Variants in NTRK2 observed in about 807,000 individuals in gnomAD.
NTRK2 encodes the protein BDNF/NT-3 growth factors receptor.
In NTRK2, 13 loss-of-function variants were observed where a neutral mutation model predicts 94.5. The ratio of observed to expected loss-of-function variants is 0.14; its 90% CI spans 0.09 to 0.22. The LOEUF is 0.22. Among genes scored for constraint, NTRK2 ranks in the 10% least tolerant of loss-of-function variants. The pLI is 1.00. For synonymous variants in NTRK2, 372 were observed against 407.4 expected, an observed-to-expected ratio of 0.91 and a Z score of 1.05; for missense variants, 639 against 1,071.2, an observed-to-expected ratio of 0.60 and a Z score of 5.63.
chr9:84,876,711 T>A, intron 14 of NTRK2: 3 of 1,060,778 alleles, frequency 2.8e-6, no homozygotes, highest in South Asian at 9.1e-5. Context: ...TCACATTTCT[T>A]CCTAGTTCCT....
chr9:84,908,382 G>A (rs973394450), intron 14 of NTRK2, among the ~76,000 whole-genome samples: 4 of 151,910 alleles, frequency 2.6e-5, no homozygotes, highest in Non-Finnish European at 4.4e-5. Context: ...TTTCTACAAT[G>A]AACATCTATT....
chr9:84,832,870 T>A (rs1055161476), intron 12 of NTRK2, among the ~76,000 whole-genome samples: 3 of 152,048 alleles, frequency 2.0e-5, no homozygotes, highest in Admixed American at 6.6e-5. Context: ...TTGGCTTGAA[T>A]CCTTGGTTTT....
At chr9:84,686,952 G>A (rs1374595509) in intron 2 of NTRK2, among the ~76,000 whole-genome samples, 1 of 152,090 alleles carries the variant, frequency 6.6e-6, no homozygotes, top group East Asian at 1.9e-4. Flanking sequence ...ATCTATTGAT[G>A]TTTTATTTAT....
chr9:84,762,860 A>G (rs941035594), intron 12 of NTRK2, among the ~76,000 whole-genome samples: 5 of 152,142 alleles, frequency 3.3e-5, no homozygotes, highest in African/African-American at 1.2e-4. Context: ...CTCAGGTTGC[A>G]TTTGCCTTTC....
At position 84,920,716 on chromosome 9, in the gene NTRK2, C is replaced by T. The variant is rs555723238; in HGVS notation, c.1634-13446C>T. Among the ~76,000 whole-genome samples, 11 of 152,286 alleles carry T rather than the reference C, an allele frequency of 7.2e-5. No homozygotes were observed. The South Asian group carries it at 2.3e-3, about 32-fold the overall frequency. Reference sequence around the variant, plus strand: ...TCTCATCCATTAGGACTTACATTGCCCTTCACTTCACCGTTATGGGTAAGA... The same window carrying T: ...TCTCATCCATTAGGACTTACATTGCTCTTCACTTCACCGTTATGGGTAAGA... On this transcript the variant is annotated intron_variant, in intron 14 of 18. Coordinates refer to ENST00000277120, the MANE Select transcript of NTRK2 (RefSeq NM_006180.6).
At chr9:85,006,584 C>T (rs886714439) in intron 17 of NTRK2, among the ~76,000 whole-genome samples, 8 of 152,174 alleles carry the variant, frequency 5.3e-5, no homozygotes, top group Non-Finnish European at 7.3e-5. Context: ...ACAGGCTATA[C>T]TACAGGAGGA....
intron 12 of NTRK2, among the ~76,000 whole-genome samples, chr9:84,848,720 C>T (rs1462626935): frequency 2.0e-5 from 3 of 152,136 alleles, no homozygotes; most frequent in African/African-American, 7.2e-5. Flanking sequence ...TTCCAACATA[C>T]CCGGCGCCAA....
intron 12 of NTRK2, among the ~76,000 whole-genome samples, chr9:84,784,410 C>T (rs1450583438): frequency 1.3e-5 from 2 of 152,196 alleles, no homozygotes; most frequent in Non-Finnish European, 2.9e-5. Flanking sequence ...CCTCACCTTT[C>T]TTTGCTGGCT....
At chr9:84,759,485 G>T (rs1414696541) in intron 12 of NTRK2, among the ~76,000 whole-genome samples, 1 of 152,242 alleles carries the variant, frequency 6.6e-6, no homozygotes, top group Non-Finnish European at 1.5e-5. Flanking sequence ...TGATTCATGT[G>T]AGAGCTCTTG....
intron 12 of NTRK2, among the ~76,000 whole-genome samples, chr9:84,809,507 A>C (rs1276758948): frequency 1.3e-5 from 2 of 150,808 alleles, no homozygotes; most frequent in African/African-American, 4.9e-5. Flanking sequence ...TATATAATGA[A>C]TACTACATCT....
At chr9:84,823,079 C>G (rs1247221122) in intron 12 of NTRK2, among the ~76,000 whole-genome samples, 1 of 152,014 alleles carries the variant, frequency 6.6e-6, no homozygotes, top group East Asian at 1.9e-4. Flanking sequence ...AAAAGGGCTT[C>G]TACTACAATC....
At chr9:84,702,461 A>G in intron 4 of NTRK2, 42 bp downstream of exon 4, 1 of 1,496,186 alleles carries the variant, frequency 6.7e-7, no homozygotes. Context: ...GACCCATTTT[A>G]TTCAATATTT....
rs561610385 is a variant in NTRK2 at position 84,814,751 on chromosome 9, C to T, written c.1397-46289C>T. The T allele has an allele frequency of 2.3e-5, 24 of 1,064,288 alleles. No individual in the cohort carries two copies. The East Asian group carries it at 1.2e-3, about 51-fold the overall frequency. The allele number at this position is 1,064,288 out of a possible 1,614,324, so 65.9% of individuals were successfully genotyped here. A position where few individuals can be genotyped will look rare whatever the true frequency, so the allele number is the denominator to read the frequency against. ...TACAGAGGGACAGCTGGACTGAGGA[C>T]AAGCAATTCCATCTAGCATAGGGTC... On this transcript the variant is annotated intron_variant, in intron 12 of 18. Transcript: ENST00000277120.
At chr9:84,958,068 A>C (rs933213489) in intron 17 of NTRK2, among the ~76,000 whole-genome samples, 19 of 152,150 alleles carry the variant, frequency 1.2e-4, no homozygotes, top group Non-Finnish European at 2.8e-4. Flanking sequence ...GAAGTAGATT[A>C]ATGGTTACCG....
chr9:84,904,164 TG>T (rs2077009669), intron 14 of NTRK2, among the ~76,000 whole-genome samples: 1 of 152,206 alleles, frequency 6.6e-6, no homozygotes, highest in African/African-American at 2.4e-5. Context: ...TGCCTAACCT[TG>T]GGCAGAGGAC....
chr9:84,681,264 C>T (rs1259426008), intron 2 of NTRK2, among the ~76,000 whole-genome samples: 1 of 152,110 alleles, frequency 6.6e-6, no homozygotes, highest in Non-Finnish European at 1.5e-5. Flanking sequence ...TTGCCCCAAA[C>T]CCATTGCCAG....
chr9:84,872,873 A>T (rs2075916149), intron 14 of NTRK2: 16 of 1,065,128 alleles, frequency 1.5e-5, no homozygotes, highest in Non-Finnish European at 1.8e-5. Context: ...CTATCACACA[A>T]GGCACCCATT....
chr9:84,800,757 TC>T (rs1387584731), intron 12 of NTRK2, among the ~76,000 whole-genome samples: 3 of 152,216 alleles, frequency 2.0e-5, no homozygotes, highest in African/African-American at 7.2e-5. Context: ...ACATCTTACC[TC>T]CCGAGAGGGG....
chr9:85,006,130 A>G (rs1386659483), intron 17 of NTRK2, among the ~76,000 whole-genome samples: 1 of 152,200 alleles, frequency 6.6e-6, no homozygotes, highest in South Asian at 2.1e-4. Flanking sequence ...AGAAACCTAT[A>G]CTTTTTGCAA....
Sources: allele counts gnomAD v4.1 joint callset (sites outside exome capture counted in the v4.1 genomes callset), GRCh38; gene constraint gnomAD v4.1.1; transcripts MANE v1.5; gene names NCBI Gene and HGNC (gene_info 2026-07-23, HGNC 2026-07-21).